SGCD: variants seen among roughly 807,000 people sequenced by gnomAD.
SGCD encodes sarcoglycan delta.
A neutral mutation model predicts 36.6 loss-of-function variants in SGCD; 18 were observed. The ratio of observed to expected loss-of-function variants is 0.49; its 90% CI spans 0.34 to 0.73. SGCD has a LOEUF of 0.73. Ranked by LOEUF, SGCD falls within the 30% of genes least tolerant of loss-of-function variation. SGCD has a pLI of 0.01. For synonymous variants in SGCD, 133 were observed against 130.6 expected (o/e 1.02, Z -0.12); for missense variants, 387 against 346.7 (o/e 1.12, Z -0.92).
At chr5:156,293,745 A>T (rs972298584) in intron 3 of SGCD, among the ~76,000 whole-genome samples, 1 of 152,130 alleles carries the variant, frequency 6.6e-6, no homozygotes. Flanking sequence ...ATCAGGACAT[A>T]TGAGTCCTTT....
At chr5:156,041,032 T>A (rs1434052188) in intron 1 of SGCD, among the ~76,000 whole-genome samples, 1 of 152,250 alleles carries the variant, frequency 6.6e-6, no homozygotes, top group Non-Finnish European at 1.5e-5. Flanking sequence ...ATGTTCTGTG[T>A]TTCCTTCTGA....
intron 1 of SGCD, among the ~76,000 whole-genome samples, chr5:156,108,228 TAAAA>T (rs1319198700): frequency 6.6e-6 from 1 of 152,102 alleles, no homozygotes; most frequent in Non-Finnish European, 1.5e-5. Flanking sequence ...AAATGTTAAT[TAAAA>T]AAATTTAAAT....
At chr5:156,306,655 A>G (rs1468662237) in intron 3 of SGCD, among the ~76,000 whole-genome samples, 1 of 152,190 alleles carries the variant, frequency 6.6e-6, no homozygotes, top group South Asian at 2.1e-4. Context: ...ATTCAAGACT[A>G]TCTTTTATAC....
At chr5:156,333,081 A>G (rs1466439957) in intron 2 of SGCD, among the ~76,000 whole-genome samples, 1 of 152,220 alleles carries the variant, frequency 6.6e-6, no homozygotes, top group Non-Finnish European at 1.5e-5. Flanking sequence ...AATATGTAAA[A>G]TGACCAAAAA....
intron 1 of SGCD, among the ~76,000 whole-genome samples, chr5:155,986,276 G>C (rs969393103): frequency 6.6e-6 from 1 of 152,136 alleles, no homozygotes; most frequent in Non-Finnish European, 1.5e-5. Flanking sequence ...TCTTTTGAAG[G>C]TTCTTATGCT....
At chr5:156,101,979 T>G (rs1761531785) in intron 1 of SGCD, among the ~76,000 whole-genome samples, 1 of 147,180 alleles carries the variant, frequency 6.8e-6, no homozygotes, top group South Asian at 2.2e-4. Flanking sequence ...AAGCTGTGAG[T>G]TGGTGGTAGT....
At chr5:156,149,365 C>A (rs1762779815) in intron 3 of SGCD, among the ~76,000 whole-genome samples, 1 of 152,156 alleles carries the variant, frequency 6.6e-6, no homozygotes, top group African/African-American at 2.4e-5. Context: ...TTCTTTCTAA[C>A]AATTTGATTT....
chr5:156,687,212 C>T (rs952348602), intron 7 of SGCD, among the ~76,000 whole-genome samples: 2 of 152,198 alleles, frequency 1.3e-5, no homozygotes, highest in Non-Finnish European at 2.9e-5. Context: ...TTACAGGAAA[C>T]CAAGCCACAC....
intron 1 of SGCD, among the ~76,000 whole-genome samples, chr5:155,937,015 G>A (rs554202018): frequency 6.0e-4 from 92 of 152,314 alleles, no homozygotes; most frequent in Non-Finnish European, 1.2e-3. Flanking sequence ...GGAGTGGGGG[G>A]AGAGACCAGA....
At chr5:156,224,389 G>A (rs375441047) in intron 3 of SGCD, among the ~76,000 whole-genome samples, 28 of 152,202 alleles carry the variant, frequency 1.8e-4, no homozygotes, top group Middle Eastern at 6.8e-3. Context: ...GAGTGGCCCA[G>A]ACAAAAGGAA....
chr5:156,530,597 T>C, intron 4 of SGCD, among the ~76,000 whole-genome samples: 1 of 150,976 alleles, frequency 6.6e-6, no homozygotes. Flanking sequence ...TTTTTTTTCC[T>C]CAGATGGAGT....
In SGCD at chr5:156,288,478, A is replaced by G. The variant is rs566448863; in HGVS notation, c.-43-41056A>G. On this transcript the variant is annotated intron_variant, in intron 3 of 9. Coordinates refer to the SGCD transcript ENST00000517913. ...TTTATGTTTTTACAATAAGCATTATATGATGCCCTTAAGAGCATCCATCGT... is the reference window on the plus strand; with the variant it reads ...TTTATGTTTTTACAATAAGCATTATGTGATGCCCTTAAGAGCATCCATCGT... Among the ~76,000 whole-genome samples the G allele has an allele frequency of 3.9e-5, 6 of 152,294 alleles. 1 individual carries two copies. The highest frequency in any genetic ancestry group is 3.3e-4 in the Admixed American group (5 of 15,282).
chr5:156,274,049 A>C (rs1002231054), intron 3 of SGCD, among the ~76,000 whole-genome samples: 10 of 151,948 alleles, frequency 6.6e-5, no homozygotes, highest in African/African-American at 2.4e-4. Flanking sequence ...GGCTGTACTG[A>C]CCTCTGTGTG....
chr5:156,377,034 T>C (rs1770708630), intron 3 of SGCD, among the ~76,000 whole-genome samples: 1 of 152,024 alleles, frequency 6.6e-6, no homozygotes, highest in South Asian at 2.1e-4. Context: ...AAGATATAAA[T>C]ATCTTGAAAC....
chr5:156,626,147 C>G (rs1762432105), intron 6 of SGCD, among the ~76,000 whole-genome samples: 1 of 152,160 alleles, frequency 6.6e-6, no homozygotes, highest in African/African-American at 2.4e-5. Context: ...TGATCTGGCC[C>G]TATGCAGTAG....
At chr5:156,675,149 C>A (rs1412003407) in intron 7 of SGCD, among the ~76,000 whole-genome samples, 1 of 152,094 alleles carries the variant, frequency 6.6e-6, no homozygotes, top group Non-Finnish European at 1.5e-5. Flanking sequence ...GTGACTCTGG[C>A]AAAATTTAAA....
intron 7 of SGCD, among the ~76,000 whole-genome samples, chr5:156,730,569 G>A (rs1401057732): frequency 6.6e-6 from 1 of 152,020 alleles, no homozygotes; most frequent in Non-Finnish European, 1.5e-5. Flanking sequence ...TTTTTTTATG[G>A]CTGCATAGTA....
At chr5:155,973,817 G>A (rs771492803) in intron 1 of SGCD, among the ~76,000 whole-genome samples, 1 of 152,066 alleles carries the variant, frequency 6.6e-6, no homozygotes, top group South Asian at 2.1e-4. Flanking sequence ...GCTTGCAACT[G>A]CCATTACCTA....
chr5:155,864,249 G>A, the SGCD span, among the ~76,000 whole-genome samples: 28 of 152,276 alleles, frequency 1.8e-4, no homozygotes, highest in African/African-American at 9.6e-5. Context: ...CGCAGTAGGC[G>A]GTTAGTTCAG....
Sources: gnomAD v4.1 joint callset for allele counts (sites outside exome capture counted in the v4.1 genomes callset) on GRCh38, gnomAD v4.1.1 for gene constraint, MANE v1.5 for transcripts, NCBI Gene and HGNC (gene_info 2026-07-23, HGNC 2026-07-21) for gene names.